Variants in CATSPERE observed in about 807,000 individuals in gnomAD.
CATSPERE encodes cation channel sperm-associated auxiliary subunit epsilon.
In CATSPERE, 93 loss-of-function variants were observed where a neutral mutation model predicts 114.1. The observed-to-expected ratio is 0.81, with a 90% confidence interval of 0.69 to 0.97. The LOEUF (loss-of-function observed/expected upper bound fraction) is 0.97. CATSPERE is among the 50% of genes least tolerant of loss of function. The pLI is 0.00. For missense variants in CATSPERE, 1,058 were observed against 1,131.6 expected, an observed-to-expected ratio of 0.93 and a Z score of 0.93; for synonymous variants, 341 against 384.1, an observed-to-expected ratio of 0.89 and a Z score of 1.31.
At chr1:244,501,939 G>T (rs1674098795) in intron 7 of CATSPERE, among the ~76,000 whole-genome samples, 1 of 152,112 alleles carries the variant, frequency 6.6e-6, no homozygotes, top group Admixed American at 6.6e-5. Flanking sequence ...CACACCTGCT[G>T]TTCTATGCAT....
At chr1:244,508,363 C>A (rs1488524265) in intron 7 of CATSPERE, among the ~76,000 whole-genome samples, 7 of 148,702 alleles carry the variant, frequency 4.7e-5, no homozygotes, top group Non-Finnish European at 1.0e-4. Flanking sequence ...TGCAGTGGCG[C>A]GATCTTGGCT....
intron 7 of CATSPERE, among the ~76,000 whole-genome samples, chr1:244,516,172 C>A (rs921973489): frequency 1.3e-4 from 19 of 151,082 alleles, no homozygotes; most frequent in African/African-American, 4.4e-4. Flanking sequence ...GCCTGGGTGA[C>A]ACAGTAAGAC....
chr1:244,631,351 A>G (rs1673921508), intron 20 of CATSPERE, among the ~76,000 whole-genome samples: 1 of 152,112 alleles, frequency 6.6e-6, no homozygotes, highest in Admixed American at 6.5e-5. Context: ...TAAAACTCAT[A>G]GAAGATAACT....
At chr1:244,516,914 A>G (rs1292932213) in intron 7 of CATSPERE, among the ~76,000 whole-genome samples, 1 of 152,104 alleles carries the variant, frequency 6.6e-6, no homozygotes, top group Non-Finnish European at 1.5e-5. Flanking sequence ...CATGGAAAAG[A>G]CTGTGTCTCT....
intron 17 of CATSPERE, among the ~76,000 whole-genome samples, chr1:244,603,232 T>G (rs1669515130): frequency 6.6e-6 from 1 of 151,806 alleles, no homozygotes; most frequent in African/African-American, 2.4e-5. Flanking sequence ...CCCCCTAGAG[T>G]CAGCAAGGCC....
intron 5 of CATSPERE, among the ~76,000 whole-genome samples, chr1:244,482,324 A>C (rs1189906226): frequency 6.6e-6 from 1 of 152,046 alleles, no homozygotes; most frequent in Non-Finnish European, 1.5e-5. Context: ...AAAATTTGCC[A>C]GGCATAGTGA....
At chr1:244,565,177 G>A (rs7512830) in intron 10 of CATSPERE, among the ~76,000 whole-genome samples, 15,485 of 152,216 alleles carry the variant, frequency 0.1, 1,225 homozygotes, top group East Asian at 0.41. Flanking sequence ...TTTTTGCAAC[G>A]ATGTTCATCA....
In CATSPERE at chr1:244,568,637, C is replaced by G. The variant is rs1218796272; in HGVS notation, c.1508-3693C>G. 6.6e-6 allele frequency among the ~76,000 whole-genome samples: 1 copy of G among 152,160 alleles called. No homozygotes were observed. Among genetic ancestry groups the G allele is most frequent in the Non-Finnish European group, 1.5e-5 (1 of 68,018 alleles). On this transcript the variant is annotated intron_variant, in intron 10 of 21. Coordinates refer to ENST00000366534, the MANE Select transcript of CATSPERE (RefSeq NM_001130957.2). This position sits in a 1 kb window ranked among gnomAD's most constrained non-coding sequence, Gnocchi z 4.4. ...TAGAACTTCCTGGCAGCTTTATTTC[C>G]ACTGTGAGGGGAAAACCGCCTACTC...
intron 8 of CATSPERE, among the ~76,000 whole-genome samples, chr1:244,536,613 A>G (rs868636826): frequency 6.6e-6 from 1 of 152,208 alleles, no homozygotes; most frequent in East Asian, 1.9e-4. Context: ...CGTTGTCTGC[A>G]CTATGCAGCC....
In CATSPERE at chr1:244,614,152, G is replaced by A. The variant is rs555337353; in HGVS notation, c.2491-3377G>A. On this transcript the variant is annotated intron_variant, in intron 19 of 21. Coordinates refer to ENST00000366534, the MANE Select transcript of CATSPERE (RefSeq NM_001130957.2). ...TTTCCTTATAAATTACTCCATTTCA[G>A]GTGTTCTGTTAAAAGCAACAGAAAA... 2.0e-5 allele frequency among the ~76,000 whole-genome samples: 3 copies of A among 152,230 alleles called. No individual in the cohort carries two copies. The South Asian group carries it at 6.2e-4, about 32-fold the overall frequency.
chr1:244,480,011 A>G (rs1316634085), intron 5 of CATSPERE, among the ~76,000 whole-genome samples: 1 of 152,242 alleles, frequency 6.6e-6, no homozygotes, highest in Non-Finnish European at 1.5e-5. Flanking sequence ...GTGCTTTAAT[A>G]TAAATTCTTT....
In CATSPERE at chr1:244,549,158, C is replaced by T. The variant is rs540787376; in HGVS notation, c.537-3164C>T. On this transcript the variant is annotated intron_variant, in intron 8 of 21. Coordinates refer to ENST00000366534, the MANE Select transcript of CATSPERE (RefSeq NM_001130957.2). Reference sequence around the variant, plus strand: ...TATTACCATGCTCTGTGATTAAGGCCAATGGAAAACTATAAGAACCCATTC... The same window carrying T: ...TATTACCATGCTCTGTGATTAAGGCTAATGGAAAACTATAAGAACCCATTC... Among the ~76,000 whole-genome samples the T allele has an allele frequency of 4.6e-5, 7 of 152,226 alleles. 1 individual carries two copies. The South Asian group carries it at 1.5e-3, about 32-fold the overall frequency.
chr1:244,469,741 A>G (rs1668173788), intron 2 of CATSPERE, among the ~76,000 whole-genome samples: 2 of 152,188 alleles, frequency 1.3e-5, no homozygotes, highest in Admixed American at 1.3e-4. Flanking sequence ...TAGACAAAAC[A>G]GTCTTGAAAC....
chr1:244,607,863 C>T lies in CATSPERE; in HGVS notation c.2403+2069C>T, dbSNP rs138657731. On this transcript the variant is annotated intron_variant, in intron 18 of 21. Transcript: ENST00000366534. The surrounding 1 kb of genome is among the most constrained non-coding windows in gnomAD (Gnocchi z 4.4). ...GCACGGTGGCTCATGCCTATAATCC[C>T]AGCACTTTGGGAGGCTGAGGCAGGC... 1.3e-5 allele frequency among the ~76,000 whole-genome samples: 2 copies of T among 152,312 alleles called. No individual in the cohort carries two copies. Among genetic ancestry groups the T allele is most frequent in the Non-Finnish European group, 2.9e-5 (2 of 68,036 alleles).
In CATSPERE at chr1:244,591,687, T is replaced by C. The variant is rs1174977810; in HGVS notation, c.2145T>C (p.Ser715=). 1.3e-6 allele frequency: 2 copies of C among 1,500,728 alleles called. No homozygotes were observed. Among genetic ancestry groups the C allele is most frequent in the African/African-American group, 2.8e-5 (2 of 71,948 alleles). 93.0% of individuals were successfully genotyped at this position (1,500,728 alleles called of 1,614,324 possible). Residue 715 remains serine (S), a synonymous_variant, in exon 15 of 22, where the codon AGT becomes AGC. Transcript: ENST00000366534. ...DKKFIAIKGF[S]KKGCHHHDFS... is the part of the protein sequence containing the mutation. ...TATGTTTTGTCTTTTGTAGATTTAG[T>C]AAAAAAGGATGTCATCACCATGATT...
At chr1:244,514,828 CAAAAAAAAAAAA>C (rs371207477) in intron 7 of CATSPERE, among the ~76,000 whole-genome samples, 1,021 of 42,434 alleles carry the variant, frequency 0.024, 20 homozygotes, top group African/African-American at 0.084. Context: ...GACTCCATCT[CAAAAAAAAAAAA>C]AAAAAAAAAA....
chr1:244,635,915 G>A (rs1472998287), intron 21 of CATSPERE, among the ~76,000 whole-genome samples: 2 of 152,148 alleles, frequency 1.3e-5, no homozygotes, highest in African/African-American at 4.8e-5. Context: ...TGTATAGTGT[G>A]TATACAGGGG....
intron 7 of CATSPERE, among the ~76,000 whole-genome samples, chr1:244,507,772 G>T (rs900068077): frequency 6.6e-6 from 1 of 152,132 alleles, no homozygotes; most frequent in Admixed American, 6.5e-5. Context: ...TGGTGCCTTT[G>T]TCAAAAATTA....
At chr1:244,490,329 G>T (rs544897905) in intron 5 of CATSPERE, 118 bp from the exon 6 acceptor site, 1 of 605,482 alleles carries the variant, frequency 1.7e-6, no homozygotes, top group Non-Finnish European at 2.8e-6. Flanking sequence ...TTTATATACC[G>T]TAATGAAATA....
Sources: allele counts gnomAD v4.1 joint callset (sites outside exome capture counted in the v4.1 genomes callset), GRCh38; gene constraint gnomAD v4.1.1; non-coding constraint Gnocchi (gnomAD v3.1); transcripts MANE v1.5; gene names NCBI Gene and HGNC (gene_info 2026-07-23, HGNC 2026-07-21).